The following NAALADL2 variants were observed in gnomAD, a reference collection of about 807,000 sequenced individuals.
NAALADL2 encodes the protein inactive N-acetylated-alpha-linked acidic dipeptidase-like protein 2.
NAALADL2 carries 76 observed loss-of-function variants against 87.2 expected under a neutral mutation model. That is an observed-to-expected ratio of 0.87 (90% CI 0.72 to 1.05). The LOEUF is 1.05. Ranked by LOEUF, NAALADL2 falls within the 50% of genes least tolerant of loss-of-function variation. The pLI, the probability that NAALADL2 is intolerant of heterozygous loss-of-function variation, is 0.00. For missense variants in NAALADL2, 1,089 were observed against 945.8 expected, an observed-to-expected ratio of 1.15 and a Z score of -1.99; for synonymous variants, 354 against 331.0, an observed-to-expected ratio of 1.07 and a Z score of -0.75.
intron 1 of NAALADL2, among the ~76,000 whole-genome samples, chr3:175,072,409 C>A (rs957396577): frequency 6.6e-6 from 1 of 151,748 alleles, no homozygotes; most frequent in African/African-American, 2.4e-5. Flanking sequence ...AATTAGACAT[C>A]AAATATTTGA....
intron 1 of NAALADL2, among the ~76,000 whole-genome samples, chr3:174,498,792 T>C (rs1381464991): frequency 6.6e-6 from 1 of 151,976 alleles, no homozygotes; most frequent in Non-Finnish European, 1.5e-5. Flanking sequence ...AATAGAAGCA[T>C]AGTGGTATCC....
rs1390357054 is a variant in NAALADL2, at chr3:175,486,375, G to A, written c.1653+14617G>A. Among the ~76,000 whole-genome samples, 5 of 152,148 alleles carry A rather than the reference G, an allele frequency of 3.3e-5. No individual in the cohort carries two copies. In the South Asian group the frequency reaches 8.3e-4, roughly 25 times the overall value. ...ACTCATGGAGTCTAATCCTCACTACGTAGTCTCTAGTTCCACTTCCCTTCA... is the reference window on the plus strand; with the variant it reads ...ACTCATGGAGTCTAATCCTCACTACATAGTCTCTAGTTCCACTTCCCTTCA... On this transcript the variant is annotated intron_variant, in intron 9 of 13. Transcript: ENST00000454872.
chr3:174,763,586 C>CAAAA (rs1163373340), intron 3 of NAALADL2, among the ~76,000 whole-genome samples: 5 of 48,368 alleles, frequency 1.0e-4, no homozygotes, highest in Non-Finnish European at 1.4e-4. Flanking sequence ...GACTCCATCT[C>CAAAA]AAAAAAAAAA....
chr3:174,859,298 A>C (rs1388356539), upstream of NAALADL2: 10 of 745,316 alleles, frequency 1.3e-5, no homozygotes, highest in Non-Finnish European at 2.1e-5. Context: ...AGAAGAAAGC[A>C]GGTAGTATAC....
In NAALADL2 at chr3:175,693,738, C is replaced by T. The variant is rs576487510; in HGVS notation, c.1897-43568C>T. On this transcript the variant is annotated intron_variant, in intron 11 of 13. Transcript: ENST00000454872. ...TCGTTTTGACAGAGTCTTGCTCTTT[C>T]GCCAGGCTGGGGTTCAGTGGTGCAA... Among the ~76,000 whole-genome samples, 217 of 152,228 alleles carry T rather than the reference C, an allele frequency of 1.4e-3. 1 individual carries two copies. Among genetic ancestry groups the T allele is most frequent in the African/African-American group, 4.6e-3 (190 of 41,538 alleles).
At chr3:175,444,043 A>T (rs1412263427) in intron 5 of NAALADL2, among the ~76,000 whole-genome samples, 1 of 152,128 alleles carries the variant, frequency 6.6e-6, no homozygotes, top group Non-Finnish European at 1.5e-5. Flanking sequence ...GGAGTATGTA[A>T]GGGTATAGCT....
chr3:174,969,954 C>G (rs1188944142), intron 1 of NAALADL2, among the ~76,000 whole-genome samples: 1 of 152,140 alleles, frequency 6.6e-6, no homozygotes, highest in Non-Finnish European at 1.5e-5. Context: ...TGTCATGTGT[C>G]TTGGATCAAA....
intron 2 of NAALADL2, among the ~76,000 whole-genome samples, chr3:175,220,521 A>C (rs979955653): frequency 2.0e-5 from 3 of 152,004 alleles, no homozygotes; most frequent in African/African-American, 4.8e-5. Context: ...TATCTGTTTA[A>C]TACCTGTAAG....
intron 2 of NAALADL2, among the ~76,000 whole-genome samples, chr3:175,141,496 C>T (rs1452614417): frequency 6.6e-6 from 1 of 151,994 alleles, no homozygotes; most frequent in Non-Finnish European, 1.5e-5. Flanking sequence ...TCAAATGATT[C>T]CATGAACTAT....
At chr3:175,373,520 A>G (rs998631018) in intron 5 of NAALADL2, among the ~76,000 whole-genome samples, 10 of 152,138 alleles carry the variant, frequency 6.6e-5, no homozygotes, top group Non-Finnish European at 1.3e-4. Flanking sequence ...ATTGCTGAGT[A>G]TATTCTATTT....
At chr3:174,705,118 G>C (rs1729931823) in intron 2 of NAALADL2, among the ~76,000 whole-genome samples, 1 of 152,106 alleles carries the variant, frequency 6.6e-6, no homozygotes, top group Admixed American at 6.5e-5. Context: ...GCAGGAACCA[G>C]ATCTGGACAG....
intron 2 of NAALADL2, among the ~76,000 whole-genome samples, chr3:175,216,668 C>CTTTTTTTTTTTTTTTTTT (rs3067029): frequency 1.7e-3 from 150 of 87,286 alleles, no homozygotes; most frequent in Middle Eastern, 8.3e-3. Flanking sequence ...TTTTTCTTTT[C>CTTTTTTTTTTTTTTTTTT]TTTTTTTTTT....
At chr3:174,473,406 C>T (rs1717026785) in intron 1 of NAALADL2, among the ~76,000 whole-genome samples, 1 of 152,180 alleles carries the variant, frequency 6.6e-6, no homozygotes, top group South Asian at 2.1e-4. Context: ...ACATTTTCAT[C>T]TTCCTCTGGC....
chr3:175,497,700 A>G (rs559097581), intron 9 of NAALADL2, among the ~76,000 whole-genome samples: 4 of 152,098 alleles, frequency 2.6e-5, no homozygotes, highest in Non-Finnish European at 4.4e-5. Flanking sequence ...AATAGCTAAC[A>G]TATTACAAGG....
chr3:175,360,879 TTTA>T lies in NAALADL2; in HGVS notation c.1090+36559_1090+36561del, dbSNP rs1444397541. Among the ~76,000 whole-genome samples the T allele has an allele frequency of 3.3e-5, 5 of 151,570 alleles. No homozygotes were observed. In the East Asian group the frequency reaches 9.7e-4, roughly 30 times the overall value. On this transcript the variant is annotated intron_variant, in intron 5 of 13. Transcript: ENST00000454872. ...CACAATTTCTTTTTTTTTAATTTTT[TTTA>T]TTATCCTTTAAGTTCTAGGGTACAT...
intron 2 of NAALADL2, among the ~76,000 whole-genome samples, chr3:175,139,311 C>T (rs1028881838): frequency 6.6e-6 from 1 of 151,538 alleles, no homozygotes; most frequent in African/African-American, 2.4e-5. Flanking sequence ...ATATATATAC[C>T]TGAAAAAGTG....
Position 175,097,044 on chromosome 3 carries a change from C to T in NAALADL2, c.298C>T (p.Leu100Phe), listed in dbSNP as rs1199523765. ...TTCACCCAAAGGAAGGTTCCAGAGA[C>T]TTCAAGAAGAATCTGACTACATTAC... ...ATSPKGRFQR[L>F]QEESDYITHY... The change falls in exon 2 of 14, where the codon CTT becomes TTT. Residue 100 changes from leucine to phenylalanine, a missense_variant. Coordinates refer to ENST00000454872, the MANE Select transcript of NAALADL2 (RefSeq NM_207015.3). 1 of 1,613,748 alleles carries T rather than the reference C, an allele frequency of 6.2e-7. No individual in the cohort carries two copies. Among genetic ancestry groups the T allele is most frequent in the South Asian group, 1.1e-5 (1 of 91,086 alleles).
intron 1 of NAALADL2, among the ~76,000 whole-genome samples, chr3:174,989,684 T>C (rs1392409375): frequency 1.3e-5 from 2 of 152,120 alleles, no homozygotes; most frequent in African/African-American, 4.8e-5. Flanking sequence ...AGGCTATAAC[T>C]AAAATATAAG....
rs576473719 is a variant in NAALADL2, at chr3:174,696,423, G to A, written c.-114-41218G>A. ...TTGTATGAGTGCTAGACTTATGTGG[G>A]AAAAATAAACACCTTGGCTGTTTAA... On this transcript the variant is annotated intron_variant, in intron 2 of 3. Coordinates refer to the NAALADL2 transcript ENST00000434257. Among the ~76,000 whole-genome samples, 5 of 151,768 alleles carry A rather than the reference G, an allele frequency of 3.3e-5. No homozygotes were observed. In the South Asian group the frequency reaches 1.0e-3, roughly 32 times the overall value.
Sources: allele counts gnomAD v4.1 joint callset (sites outside exome capture counted in the v4.1 genomes callset), GRCh38; gene constraint gnomAD v4.1.1; transcripts MANE v1.5; gene names NCBI Gene and HGNC (gene_info 2026-07-23, HGNC 2026-07-21).